FSTL5: variants seen among roughly 807,000 people sequenced by gnomAD.
FSTL5 encodes follistatin-related protein 5.
FSTL5 carries 62 observed loss-of-function variants against 89.1 expected under a neutral mutation model. The observed-to-expected ratio is 0.70, with a 90% confidence interval of 0.57 to 0.86. The LOEUF is 0.86. Ranked by LOEUF, FSTL5 falls within the 40% of genes least tolerant of loss-of-function variation. The probability of loss-of-function intolerance (pLI) is 0.00; values close to 1 mark genes in which losing one functional copy is unlikely to be tolerated. For missense variants in FSTL5, 1,057 were observed against 1,001.6 expected (o/e 1.06, Z -0.75); for synonymous variants, 383 against 346.2 (o/e 1.11, Z -1.18).
chr4:162,044,258 A>G (rs1002615732), intron 2 of FSTL5, among the ~76,000 whole-genome samples: 1 of 152,212 alleles, frequency 6.6e-6, no homozygotes, highest in Non-Finnish European at 1.5e-5. Flanking sequence ...TTTTGTTAGC[A>G]GGCATGAAAG....
intron 6 of FSTL5, among the ~76,000 whole-genome samples, chr4:161,718,694 C>T (rs765657692): frequency 1.5e-4 from 23 of 152,130 alleles, no homozygotes; most frequent in Non-Finnish European, 2.6e-4. Context: ...TCCCAAAGTG[C>T]TGGGATTACA....
At chr4:161,701,213 C>T (rs1444576791) in intron 6 of FSTL5, among the ~76,000 whole-genome samples, 1 of 152,168 alleles carries the variant, frequency 6.6e-6, no homozygotes, top group African/African-American at 2.4e-5. Context: ...AATAGTATTT[C>T]ATCCTATGCC....
rs1171950770 is a variant in FSTL5 at position 161,872,141 on chromosome 4, G to GTTTTT, written c.409+48258_409+48262dup. ...GCTTTGTAGTTTGTTTTTTTTTTTG[G>GTTTTT]TTTTTTTTTTTTTTTTTGTAGAGAC... On this transcript the variant is annotated intron_variant, in intron 4 of 15. Transcript: ENST00000306100. 1.5e-3 allele frequency among the ~76,000 whole-genome samples: 121 copies of GTTTTT among 79,544 alleles called. 2 individuals carry two copies. Among genetic ancestry groups the GTTTTT allele is most frequent in the African/African-American group, 5.6e-3 (104 of 18,682 alleles). 52.2% of individuals were successfully genotyped at this position (79,544 alleles called of 152,430 possible).
chr4:161,656,303 A>G (rs1736512832), intron 7 of FSTL5, 25 bp downstream of exon 7: 1 of 1,299,570 alleles, frequency 7.7e-7, no homozygotes, highest in Non-Finnish European at 1.1e-6. Context: ...TATATATTAT[A>G]AAGCAACTAT....
chr4:162,104,463 C>A (rs1055521237), intron 2 of FSTL5, among the ~76,000 whole-genome samples: 1 of 152,150 alleles, frequency 6.6e-6, no homozygotes, highest in African/African-American at 2.4e-5. Context: ...GAGCAAGGAC[C>A]CACTCCCCGA....
At chr4:162,153,012 T>C (rs1733291714) in intron 1 of FSTL5, among the ~76,000 whole-genome samples, 1 of 152,182 alleles carries the variant, frequency 6.6e-6, no homozygotes, top group South Asian at 2.1e-4. Context: ...CAATTTGTCA[T>C]TTAAAACTGA....
intron 13 of FSTL5, among the ~76,000 whole-genome samples, chr4:161,467,115 A>T (rs1213414487): frequency 6.6e-6 from 1 of 152,118 alleles, no homozygotes; most frequent in Non-Finnish European, 1.5e-5. Flanking sequence ...CAATAACTGT[A>T]ACATTATTTT....
chr4:161,564,616 C>A (rs530122100), intron 8 of FSTL5, among the ~76,000 whole-genome samples: 1 of 151,512 alleles, frequency 6.6e-6, no homozygotes, highest in South Asian at 2.1e-4. Flanking sequence ...TATTCACTTT[C>A]AAAATGATAC....
At chr4:161,951,715 A>C (rs62331245) in intron 3 of FSTL5, among the ~76,000 whole-genome samples, 1,802 of 152,190 alleles carry the variant, frequency 0.012, 20 homozygotes, top group Non-Finnish European at 0.02. Context: ...TTAAATGTCA[A>C]ATATCACAAT....
At chr4:161,849,050 G>A (rs1458310901) in intron 4 of FSTL5, among the ~76,000 whole-genome samples, 1 of 151,884 alleles carries the variant, frequency 6.6e-6, no homozygotes, top group Non-Finnish European at 1.5e-5. Flanking sequence ...CTCTATAAAG[G>A]GATCAGTGCC....
intron 2 of FSTL5, among the ~76,000 whole-genome samples, chr4:162,074,773 G>A (rs1398904477): frequency 6.6e-6 from 1 of 151,598 alleles, no homozygotes; most frequent in Admixed American, 6.6e-5. Context: ...CTTACCTTAC[G>A]ATGAGGTTAT....
intron 6 of FSTL5, among the ~76,000 whole-genome samples, chr4:161,693,198 G>T (rs904150025): frequency 6.6e-6 from 1 of 152,092 alleles, no homozygotes; most frequent in African/African-American, 2.4e-5. Context: ...GTTGAATTTG[G>T]TTAGCTACCA....
intron 1 of FSTL5, among the ~76,000 whole-genome samples, chr4:162,140,667 G>T (rs1025327492): frequency 6.6e-6 from 1 of 152,100 alleles, no homozygotes. Flanking sequence ...AATACATTAA[G>T]GATAGAGATA....
chr4:162,055,968 T>C (rs1157033596), intron 2 of FSTL5, among the ~76,000 whole-genome samples: 3 of 151,812 alleles, frequency 2.0e-5, no homozygotes, highest in African/African-American at 4.8e-5. Context: ...GATCCAAATA[T>C]AAAAAACAAA....
intron 4 of FSTL5, among the ~76,000 whole-genome samples, chr4:161,854,532 T>G (rs1731660978): frequency 6.6e-6 from 1 of 152,176 alleles, no homozygotes; most frequent in Non-Finnish European, 1.5e-5. Context: ...TTACATACTG[T>G]GTGATGGGGT....
At chr4:161,803,991 T>A (rs1729880176) in intron 4 of FSTL5, among the ~76,000 whole-genome samples, 1 of 152,032 alleles carries the variant, frequency 6.6e-6, no homozygotes. Context: ...GATTGTGGAC[T>A]GAAGTCCCTT....
chr4:162,005,119 C>T (rs374612494), intron 3 of FSTL5, among the ~76,000 whole-genome samples: 2 of 152,282 alleles, frequency 1.3e-5, no homozygotes, highest in East Asian at 3.9e-4. Context: ...ATTTCTCTCG[C>T]TCCATTGTGT....
chr4:161,526,141 G>T (rs563697636), intron 10 of FSTL5, among the ~76,000 whole-genome samples: 2 of 152,132 alleles, frequency 1.3e-5, no homozygotes, highest in South Asian at 4.2e-4. Flanking sequence ...TCTGCTTTGT[G>T]AAACATAACT....
At chr4:161,521,974 C>T (rs1391254494) in intron 10 of FSTL5, among the ~76,000 whole-genome samples, 1 of 151,724 alleles carries the variant, frequency 6.6e-6, no homozygotes, top group Non-Finnish European at 1.5e-5. Flanking sequence ...GGCTGTCTCA[C>T]TAACTCAAAT....
Sources: allele counts gnomAD v4.1 joint callset (sites outside exome capture counted in the v4.1 genomes callset), GRCh38; gene constraint gnomAD v4.1.1; transcripts MANE v1.5; gene names NCBI Gene and HGNC (gene_info 2026-07-23, HGNC 2026-07-21).